Variants in SOAT1 observed in about 807,000 individuals in gnomAD.
SOAT1 encodes sterol O-acyltransferase 1, also known as acyl-coenzyme A:cholesterol acyltransferase 1.
In SOAT1, 55 loss-of-function variants were observed where a neutral mutation model predicts 69.5. The observed-to-expected ratio is 0.79, with a 90% confidence interval of 0.64 to 0.99. SOAT1 has a LOEUF of 0.99. Among genes scored for constraint, SOAT1 ranks in the 50% least tolerant of loss-of-function variants. SOAT1 has a pLI of 0.00. For missense variants in SOAT1, 580 were observed against 669.3 expected, an observed-to-expected ratio of 0.87 and a Z score of 1.47; for synonymous variants, 231 against 224.7, an observed-to-expected ratio of 1.03 and a Z score of -0.25.
At chr1:179,296,578 A>C (rs1299449596) in intron 1 of SOAT1, among the ~76,000 whole-genome samples, 1 of 152,192 alleles carries the variant, frequency 6.6e-6, no homozygotes, top group African/African-American at 2.4e-5. Context: ...TAGTTTTGCT[A>C]ATTACTTAAA....
chr1:179,334,557 T>A (rs1666079862), intron 3 of SOAT1, among the ~76,000 whole-genome samples: 1 of 152,160 alleles, frequency 6.6e-6, no homozygotes, highest in Non-Finnish European at 1.5e-5. Context: ...TGGTTTGTTA[T>A]TTTGTCTCGC....
At chr1:179,319,265 G>GA (rs1288432564) in intron 2 of SOAT1, among the ~76,000 whole-genome samples, 66 of 133,816 alleles carry the variant, frequency 4.9e-4, no homozygotes, top group African/African-American at 1.7e-3. Flanking sequence ...CAGTTACTTT[G>GA]CCTTTTTTTT....
In SOAT1 at chr1:179,311,399, T is replaced by A. The variant is rs114555461; in HGVS notation, c.118+8597T>A. ...TAACAAGTTTAACAAGGATGCGGAT[T>A]TAGAAATTTGGAGGCCATAATGTCT... On this transcript the variant is annotated intron_variant, in intron 2 of 15. Transcript: ENST00000367619. Among the ~76,000 whole-genome samples the A allele has an allele frequency of 7.2e-5, 9 of 125,212 alleles. No individual in the cohort carries two copies. In the Admixed American group the frequency reaches 8.7e-4, roughly 12 times the overall value. The allele number at this position is 125,212 out of a possible 152,430, so 82.1% of individuals were successfully genotyped here.
rs925307936 is a variant in SOAT1, at chr1:179,358,420, C to T, written c.*4779C>T. ...CTTAATGAAATGGAAGCTGTACTTC[C>T]TGTTTGTTTTTAAATACTTTTGAAA... On this transcript the variant is annotated 3_prime_UTR_variant, in exon 16 of 16. Coordinates refer to ENST00000367619, the MANE Select transcript of SOAT1 (RefSeq NM_003101.6). 2 of 152,130 alleles carry T rather than the reference C, an allele frequency of 1.3e-5. No homozygotes were observed. The highest frequency in any genetic ancestry group is 4.1e-4 in the South Asian group (2 of 4,826). The allele number at this position is 152,130 out of a possible 1,614,324, so 9.4% of individuals were successfully genotyped here. A position where few individuals can be genotyped will look rare whatever the true frequency, so the allele number is the denominator to read the frequency against.
intron 1 of SOAT1, among the ~76,000 whole-genome samples, chr1:179,300,970 C>G (rs1173917535): frequency 6.6e-6 from 1 of 152,116 alleles, no homozygotes; most frequent in African/African-American, 2.4e-5. Context: ...TGGCAGTCAC[C>G]TGTAATCTCA....
chr1:179,304,046 TAGTC>T (rs1445241113), intron 2 of SOAT1, among the ~76,000 whole-genome samples: 5 of 152,258 alleles, frequency 3.3e-5, no homozygotes, highest in Non-Finnish European at 5.9e-5. Flanking sequence ...CATTAAGTTT[TAGTC>T]AGTCCAGGTT....
At chr1:179,314,169 A>G (rs1665314873) in intron 2 of SOAT1, among the ~76,000 whole-genome samples, 1 of 152,036 alleles carries the variant, frequency 6.6e-6, no homozygotes, top group African/African-American at 2.4e-5. Flanking sequence ...AAAGCCTCCT[A>G]CACCCCTCAT....
intron 2 of SOAT1, among the ~76,000 whole-genome samples, chr1:179,316,651 C>T (rs1241401360): frequency 1.3e-5 from 2 of 152,124 alleles, no homozygotes; most frequent in African/African-American, 4.8e-5. Context: ...CCTTGGCTTC[C>T]CACAGTGCTG....
intron 2 of SOAT1, among the ~76,000 whole-genome samples, chr1:179,317,216 A>C (rs1461024521): frequency 6.6e-6 from 1 of 152,304 alleles, no homozygotes; most frequent in East Asian, 1.9e-4. Context: ...AATATACAAT[A>C]GCAATTGTCA....
intron 2 of SOAT1, among the ~76,000 whole-genome samples, chr1:179,319,471 C>T (rs6672839): frequency 0.98 from 149,665 of 152,102 alleles, 73,688 homozygotes; most frequent in Middle Eastern, 1. Context: ...GGTTTCTCCC[C>T]ATCGGTCAGG....
chr1:179,299,745 C>CTTTTTTTTTTT lies in SOAT1; in HGVS notation c.-8-2916_-8-2906dup, dbSNP rs1162260815. Among the ~76,000 whole-genome samples, 44 of 69,550 alleles carry CTTTTTTTTTTT rather than the reference C, an allele frequency of 6.3e-4. 9 individuals carry two copies. The highest frequency in any genetic ancestry group is 9.5e-4 in the East Asian group (2 of 2,102). 45.6% of individuals were successfully genotyped at this position (69,550 alleles called of 152,430 possible). A position where few individuals can be genotyped will look rare whatever the true frequency, so the allele number is the denominator to read the frequency against. ...ATTTATTTTTTAATCATTTTGCTAT[C>CTTTTTTTTTTT]TTTTTTTTTTTTTTTTTTTTTTTTT... On this transcript the variant is annotated intron_variant, in intron 1 of 15. Transcript: ENST00000367619.
intron 2 of SOAT1, among the ~76,000 whole-genome samples, chr1:179,305,726 T>G (rs189705320): frequency 5.9e-5 from 9 of 152,330 alleles, no homozygotes; most frequent in Non-Finnish European, 1.2e-4. Flanking sequence ...TTTCTCCATA[T>G]CCTCACCAAG....
At chr1:179,308,017 C>A (rs777796934) in intron 2 of SOAT1, among the ~76,000 whole-genome samples, 1 of 151,826 alleles carries the variant, frequency 6.6e-6, no homozygotes, top group Non-Finnish European at 1.5e-5. Context: ...CTCAAACTCC[C>A]GACCTCAGGT....
intron 6 of SOAT1, among the ~76,000 whole-genome samples, 196 bp downstream of exon 6, chr1:179,339,741 T>C (rs1347420663): frequency 6.6e-6 from 1 of 152,236 alleles, no homozygotes; most frequent in Admixed American, 6.5e-5. Context: ...ATTTTTAAAA[T>C]GGTTTATTTG....
Position 179,335,510 on chromosome 1 carries a change from T to C in SOAT1, c.182T>C (p.Leu61Ser). Residue 61 changes from leucine to serine, a missense_variant, in exon 4 of 16, where the codon TTG (leucine) becomes TCG (serine). Coordinates refer to ENST00000367619, the MANE Select transcript of SOAT1 (RefSeq NM_003101.6). ...KIKLTAEAEELKPFFMKEVGS... is the reference protein window; with the variant it reads ...KIKLTAEAEESKPFFMKEVGS... ...TTCTTTGTTTTAAAATTCTAGGAAT[T>C]GAAGCCATTTTTTATGAAGGAAGTT... is the stretch of plus-strand genomic sequence containing the variant. 2 of 1,608,392 alleles carry C rather than the reference T, an allele frequency of 1.2e-6. No homozygotes were observed. Among genetic ancestry groups the C allele is most frequent in the Non-Finnish European group, 1.7e-6 (2 of 1,177,300 alleles).
At position 179,347,715 on chromosome 1, in the gene SOAT1, T is replaced by C. The variant is rs988306671; in HGVS notation, c.1215+18T>C. ...TCTATAAGGTAGTATATACTTAGAC[T>C]TAGCTTTCTTTTTACATTTTATTAA... On this transcript the variant is annotated intron_variant, in intron 12 of 15. Coordinates refer to ENST00000367619, the MANE Select transcript of SOAT1 (RefSeq NM_003101.6). The C allele has an allele frequency of 7.1e-7, 1 of 1,412,358 alleles. No homozygotes were observed. The allele number at this position is 1,412,358 out of a possible 1,614,324, so 87.5% of individuals were successfully genotyped here.
chr1:179,310,733 G>A (rs1665194257), intron 2 of SOAT1, among the ~76,000 whole-genome samples: 1 of 152,156 alleles, frequency 6.6e-6, no homozygotes, highest in Non-Finnish European at 1.5e-5. Context: ...GTCAATGAGA[G>A]TTTTTTAGAA....
At chr1:179,349,059 A>G (rs1187121754) in intron 13 of SOAT1, 117 bp downstream of exon 13, 7 of 655,130 alleles carry the variant, frequency 1.1e-5, no homozygotes, top group Non-Finnish European at 1.9e-5. Context: ...AAAGGGTGAT[A>G]GTATCTTTTC....
rs71901753 is a variant in SOAT1, at chr1:179,351,721, A to ATTTTTTTTTTTTTTTTTTTTTTTTT, written c.1596+275_1596+276insTTTTTTTTTTTTTTTTTTTTTTTTT. ...ACTGCCTTTTCTTCAGCCCCTTCTA[A>ATTTTTTTTTTTTTTTTTTTTTTTTT]TTTTTTTTTTTTTTTTGAGACAGAG... On this transcript the variant is annotated intron_variant, in intron 15 of 15. Coordinates refer to ENST00000367619, the MANE Select transcript of SOAT1 (RefSeq NM_003101.6). Among the ~76,000 whole-genome samples the ATTTTTTTTTTTTTTTTTTTTTTTTT allele has an allele frequency of 6.5e-4, 69 of 106,440 alleles. 4 individuals carry two copies. Among genetic ancestry groups the ATTTTTTTTTTTTTTTTTTTTTTTTT allele is most frequent in the African/African-American group, 1.1e-3 (28 of 25,138 alleles). The allele number at this position is 106,440 out of a possible 152,430, so 69.8% of individuals were successfully genotyped here.
Sources: allele counts gnomAD v4.1 joint callset (sites outside exome capture counted in the v4.1 genomes callset), GRCh38; gene constraint gnomAD v4.1.1; transcripts MANE v1.5; gene names NCBI Gene and HGNC (gene_info 2026-07-23, HGNC 2026-07-21).